Variants in ZDHHC2 observed in about 807,000 individuals in gnomAD.
The protein encoded by ZDHHC2 is zDHHC palmitoyltransferase 2, also known as palmitoyltransferase ZDHHC2.
In ZDHHC2, 51 loss-of-function variants were observed where a neutral mutation model predicts 55.6. The ratio of observed to expected loss-of-function variants is 0.92; its 90% confidence interval spans 0.73 to 1.16. The LOEUF (loss-of-function observed/expected upper bound fraction) is 1.16. Ranked by LOEUF, ZDHHC2 falls within the 50% of genes most tolerant of loss-of-function variation. ZDHHC2 has a pLI of 0.00. For synonymous variants in ZDHHC2, 199 were observed against 152.9 expected, an observed-to-expected ratio of 1.30 and a Z score of -2.22; for missense variants, 491 against 442.4, an observed-to-expected ratio of 1.11 and a Z score of -0.99.
chr8:17,170,793 A>T (rs1267782643), intron 1 of ZDHHC2, among the ~76,000 whole-genome samples: 1 of 152,210 alleles, frequency 6.6e-6, no homozygotes, highest in Non-Finnish European at 1.5e-5. Flanking sequence ...TTTCAACTTG[A>T]TTGTATATAT....
rs994443388 is a variant in ZDHHC2, at chr8:17,221,941, C to T, written c.*1720C>T. Reference sequence around the variant, plus strand: ...CTAGAAGTCTTAAAAAAACCAACAGCAGCACAGGATGTATTAAGAATTATA... The same window carrying T: ...CTAGAAGTCTTAAAAAAACCAACAGTAGCACAGGATGTATTAAGAATTATA... On this transcript the variant is annotated 3_prime_UTR_variant, in exon 13 of 13. Transcript: ENST00000262096. The T allele has an allele frequency of 6.8e-6, 1 of 147,248 alleles. No homozygotes were observed. The highest frequency in any genetic ancestry group is 1.5e-5 in the Non-Finnish European group (1 of 67,352). 9.1% of individuals were successfully genotyped at this position (147,248 alleles called of 1,614,324 possible).
At chr8:17,206,529 A>C (rs762082511) in intron 7 of ZDHHC2, among the ~76,000 whole-genome samples, 1 of 152,192 alleles carries the variant, frequency 6.6e-6, no homozygotes, top group African/African-American at 2.4e-5. Flanking sequence ...ATTGATGACT[A>C]TATAAGATTT....
intron 4 of ZDHHC2, among the ~76,000 whole-genome samples, chr8:17,197,210 T>A (rs994004964): frequency 6.6e-6 from 1 of 152,224 alleles, no homozygotes; most frequent in Non-Finnish European, 1.5e-5. Context: ...TAGTTCAGTT[T>A]AAAACTTTTT....
At chr8:17,193,461 A>G (rs1468253906) in intron 3 of ZDHHC2, among the ~76,000 whole-genome samples, 3 of 152,248 alleles carry the variant, frequency 2.0e-5, no homozygotes, top group African/African-American at 7.2e-5. Context: ...GGCCAACACC[A>G]CTGGGACTGT....
rs2285268 is a variant in ZDHHC2 at position 17,223,501 on chromosome 8, A to G, written c.*3280A>G. ...CACGTGGCTTAATCCCAAATGTTTTACACTTCTTTTCCACATACTTAGCCA... is the reference window on the plus strand; with the variant it reads ...CACGTGGCTTAATCCCAAATGTTTTGCACTTCTTTTCCACATACTTAGCCA... On this transcript the variant is annotated 3_prime_UTR_variant, in exon 13 of 13. Transcript: ENST00000262096. 0.33 allele frequency: 50,504 copies of G among 151,654 alleles called. 9,490 individuals carry two copies. The highest frequency in any genetic ancestry group is 0.72 in the East Asian group (3,724 of 5,144). The allele number at this position is 151,654 out of a possible 1,614,324, so 9.4% of individuals were successfully genotyped here.
chr8:17,181,603 A>G (rs1805435954), intron 1 of ZDHHC2, among the ~76,000 whole-genome samples: 1 of 152,216 alleles, frequency 6.6e-6, no homozygotes, highest in African/African-American at 2.4e-5. Flanking sequence ...AGGTATCAGC[A>G]TCATTGTTAA....
chr8:17,173,197 C>G lies in ZDHHC2; in HGVS notation c.131-11592C>G, dbSNP rs534114387. 2.6e-4 allele frequency among the ~76,000 whole-genome samples: 39 copies of G among 152,296 alleles called. No individual in the cohort carries two copies. The South Asian group carries it at 7.9e-3, about 31-fold the overall frequency. On this transcript the variant is annotated intron_variant, in intron 1 of 12. Transcript: ENST00000262096. ...CTGCGAGGCATCCGATGTCACAGAT[C>G]CTGGCAGGCCACACAGAATCCTTGT...
chr8:17,183,771 T>G (rs1164191169), intron 1 of ZDHHC2, among the ~76,000 whole-genome samples: 1 of 152,112 alleles, frequency 6.6e-6, no homozygotes, highest in Non-Finnish European at 1.5e-5. Flanking sequence ...GAAGGATGAA[T>G]TTTCTTATTC....
chr8:17,182,566 T>C (rs914580789), intron 1 of ZDHHC2, among the ~76,000 whole-genome samples: 1 of 152,178 alleles, frequency 6.6e-6, no homozygotes, highest in African/African-American at 2.4e-5. Context: ...AAGATGAATT[T>C]ATGTGTAAGT....
chr8:17,192,752 T>C (rs1313492532), intron 3 of ZDHHC2, among the ~76,000 whole-genome samples: 1 of 152,236 alleles, frequency 6.6e-6, no homozygotes, highest in African/African-American at 2.4e-5. Context: ...GTTTCATAAT[T>C]TGAGGTCTTA....
At chr8:17,173,681 T>TAA (rs58195776) in intron 1 of ZDHHC2, among the ~76,000 whole-genome samples, 48 of 143,382 alleles carry the variant, frequency 3.3e-4, no homozygotes, top group East Asian at 8.3e-4. Flanking sequence ...GACCCTGTCT[T>TAA]AAAAAAAAAA....
chr8:17,187,138 C>T (rs1030443045), intron 3 of ZDHHC2, among the ~76,000 whole-genome samples: 2 of 152,164 alleles, frequency 1.3e-5, no homozygotes, highest in Non-Finnish European at 2.9e-5. Flanking sequence ...TTCTCGATGA[C>T]CATGTTAAAC....
chr8:17,191,888 C>G (rs1736460655), intron 3 of ZDHHC2, among the ~76,000 whole-genome samples: 1 of 152,104 alleles, frequency 6.6e-6, no homozygotes, highest in Admixed American at 6.6e-5. Context: ...TTTTGAGAAA[C>G]CCATCGTAGT....
At chr8:17,171,115 C>A (rs1804832297) in intron 1 of ZDHHC2, among the ~76,000 whole-genome samples, 2 of 151,650 alleles carry the variant, frequency 1.3e-5, no homozygotes, top group African/African-American at 4.9e-5. Flanking sequence ...GGTCTTTCCT[C>A]AAGAAGGGAA....
chr8:17,174,851 C>G (rs934088277), intron 1 of ZDHHC2, among the ~76,000 whole-genome samples: 1 of 151,846 alleles, frequency 6.6e-6, no homozygotes, highest in African/African-American at 2.4e-5. Flanking sequence ...GCTGGCATCA[C>G]AGGTGTGCGC....
intron 1 of ZDHHC2, among the ~76,000 whole-genome samples, chr8:17,176,650 G>A (rs939899888): frequency 1.4e-4 from 22 of 152,156 alleles, no homozygotes; most frequent in African/African-American, 5.3e-4. Flanking sequence ...TTCACTGCCA[G>A]TGCAGAGGAT....
chr8:17,157,803 G>A (rs1200851251), intron 1 of ZDHHC2, among the ~76,000 whole-genome samples: 2 of 152,160 alleles, frequency 1.3e-5, no homozygotes, highest in African/African-American at 4.8e-5. Flanking sequence ...CAAAGTGTCT[G>A]TTTTTGCCCT....
At chr8:17,209,353 G>A (rs1236249322) in intron 8 of ZDHHC2, among the ~76,000 whole-genome samples, 1 of 152,092 alleles carries the variant, frequency 6.6e-6, no homozygotes, top group East Asian at 1.9e-4. Context: ...ACTTAGCCAG[G>A]CATGGTGGCA....
intron 1 of ZDHHC2, among the ~76,000 whole-genome samples, chr8:17,183,993 C>G (rs1253116584): frequency 1.3e-5 from 2 of 152,092 alleles, no homozygotes; most frequent in East Asian, 1.9e-4. Context: ...GTCCCGTGCC[C>G]TTTTGAAAAG....
Sources: gnomAD v4.1 joint callset for allele counts (sites outside exome capture counted in the v4.1 genomes callset) on GRCh38, gnomAD v4.1.1 for gene constraint, MANE v1.5 for transcripts, NCBI Gene and HGNC (gene_info 2026-07-23, HGNC 2026-07-21) for gene names.